MAST4: variants seen among roughly 807,000 people sequenced by gnomAD.
MAST4 encodes microtubule associated serine/threonine kinase family member 4, also known as microtubule-associated serine/threonine-protein kinase 4.
A neutral mutation model predicts 162.7 loss-of-function variants in MAST4; 89 were observed. The observed-to-expected ratio is 0.55, with a 90% CI of 0.46 to 0.65. MAST4 has a LOEUF of 0.65. MAST4 is among the 30% of genes least tolerant of loss of function. The probability of loss-of-function intolerance (pLI) is 0.00; values close to 1 mark genes in which losing one functional copy is unlikely to be tolerated. For synonymous variants in MAST4, 1,479 were observed against 1,361.1 expected (o/e 1.09, Z -1.91); for missense variants, 3,153 against 3,374.0 (o/e 0.93, Z 1.62).
At chr5:66,882,002 T>G (rs1037530526) in intron 3 of MAST4, among the ~76,000 whole-genome samples, 12 of 152,118 alleles carry the variant, frequency 7.9e-5, no homozygotes, top group Non-Finnish European at 1.2e-4. Context: ...CTGGCACAGG[T>G]TTTGCTGGCC....
intron 4 of MAST4, among the ~76,000 whole-genome samples, chr5:67,053,615 G>C (rs1019683466): frequency 6.6e-6 from 1 of 152,170 alleles, no homozygotes; most frequent in Non-Finnish European, 1.5e-5. Context: ...TCACCCATCC[G>C]CCAGTTTTGT....
intron 4 of MAST4, among the ~76,000 whole-genome samples, chr5:66,929,812 G>A (rs1455234028): frequency 2.0e-5 from 3 of 152,158 alleles, no homozygotes; most frequent in Non-Finnish European, 2.9e-5. Flanking sequence ...AAACATGAAG[G>A]TAGACTCTAC....
In MAST4 at chr5:67,163,960, A is replaced by C. The variant is rs1219423772; in HGVS notation, c.4781A>C (p.Gln1594Pro). 1.9e-6 allele frequency: 3 copies of C among 1,611,922 alleles called. No homozygotes were observed. The African/African-American group carries it at 4.0e-5, about 22-fold the overall frequency. The change falls in exon 29 of 29, where the codon CAG (glutamine) becomes CCG (proline). Residue 1594 changes from glutamine to proline, a missense_variant. Gln to Pro is a moderately conservative substitution (Grantham distance 76). This residue lies in a region of MAST4 where 1,644 missense variants were observed against 1,495.0 expected (regional missense o/e 1.10). Coordinates refer to ENST00000403625, the MANE Select transcript of MAST4 (RefSeq NM_001164664.2). The surrounding 1 kb of genome is among the most constrained non-coding windows in gnomAD (Gnocchi z 7.0). ...SSTFENKASM[Q>P]EAPPLGSLLK... is the part of the protein sequence containing the mutation. Reference sequence around the variant, plus strand: ...ACTTTTGAAAACAAAGCGTCTATGCAGGAGGCGCCACCGCTGGGCAGCCTG... The same window carrying C: ...ACTTTTGAAAACAAAGCGTCTATGCCGGAGGCGCCACCGCTGGGCAGCCTG...
At chr5:67,151,493 A>C (rs1561173883) in intron 24 of MAST4, among the ~76,000 whole-genome samples, 1 of 152,206 alleles carries the variant, frequency 6.6e-6, no homozygotes, top group Non-Finnish European at 1.5e-5. Flanking sequence ...TTTTCAACAT[A>C]GGAATTTTAG....
At chr5:66,938,008 T>C (rs1484323665) in intron 4 of MAST4, among the ~76,000 whole-genome samples, 2 of 152,134 alleles carry the variant, frequency 1.3e-5, no homozygotes, top group Non-Finnish European at 2.9e-5. Context: ...TATTTTTCTG[T>C]GGGATCCATT....
intron 4 of MAST4, among the ~76,000 whole-genome samples, chr5:66,984,480 C>T (rs1425219718): frequency 1.3e-5 from 2 of 152,022 alleles, no homozygotes; most frequent in Non-Finnish European, 2.9e-5. Flanking sequence ...TTTTAAGTTC[C>T]GGGATATAAG....
At chr5:66,823,658 T>C (rs1197724569) in intron 3 of MAST4, among the ~76,000 whole-genome samples, 1 of 152,042 alleles carries the variant, frequency 6.6e-6, no homozygotes, top group Non-Finnish European at 1.5e-5. Context: ...TTTTATATGT[T>C]TAGTAGAGAT....
At chr5:66,936,119 C>T (rs1742721440) in intron 4 of MAST4, among the ~76,000 whole-genome samples, 2 of 152,122 alleles carry the variant, frequency 1.3e-5, no homozygotes, top group Non-Finnish European at 2.9e-5. Flanking sequence ...TTTGACAGTT[C>T]CCCTATTTTC....
intron 4 of MAST4, among the ~76,000 whole-genome samples, chr5:66,948,021 G>A (rs888311714): frequency 6.6e-6 from 1 of 152,102 alleles, no homozygotes; most frequent in African/African-American, 2.4e-5. Context: ...ATATAAAGTG[G>A]ACTGTCTCTC....
chr5:66,788,355 G>A (rs1755214205), intron 2 of MAST4, among the ~76,000 whole-genome samples: 3 of 152,136 alleles, frequency 2.0e-5, no homozygotes, highest in South Asian at 2.1e-4. Flanking sequence ...TGCTGAGAAT[G>A]CTTTGTGTAC....
intron 1 of MAST4, among the ~76,000 whole-genome samples, chr5:66,673,638 G>C (rs1171280632): frequency 6.6e-6 from 1 of 150,872 alleles, no homozygotes; most frequent in Non-Finnish European, 1.5e-5. Flanking sequence ...GGGATCACAG[G>C]CACGTGCTGC....
chr5:66,927,126 C>T (rs1159466217), intron 4 of MAST4, among the ~76,000 whole-genome samples: 2 of 152,134 alleles, frequency 1.3e-5, no homozygotes, highest in African/African-American at 4.8e-5. Context: ...CTTTCTTCTC[C>T]AGCTTTTTAG....
chr5:66,714,724 CACTT>C (rs747316956), intron 1 of MAST4, among the ~76,000 whole-genome samples: 1 of 152,176 alleles, frequency 6.6e-6, no homozygotes, highest in Non-Finnish European at 1.5e-5. Flanking sequence ...TAAACAATAC[CACTT>C]TTTGGATAAT....
At chr5:67,012,287 A>C (rs1752781547) in intron 4 of MAST4, among the ~76,000 whole-genome samples, 1 of 152,158 alleles carries the variant, frequency 6.6e-6, no homozygotes, top group Non-Finnish European at 1.5e-5. Flanking sequence ...TAGAAGAGGA[A>C]GCTTGGAATA....
At chr5:66,973,753 A>G (rs939487280) in intron 4 of MAST4, among the ~76,000 whole-genome samples, 4 of 152,158 alleles carry the variant, frequency 2.6e-5, no homozygotes, top group Admixed American at 1.3e-4. Flanking sequence ...GGTGTTCTTC[A>G]GTTGAAGAAT....
intron 3 of MAST4, among the ~76,000 whole-genome samples, chr5:66,803,524 T>C (rs11750177): frequency 0.3 from 44,931 of 151,916 alleles, 7,129 homozygotes; most frequent in Non-Finnish European, 0.35. Context: ...TATTGCTCTG[T>C]TTATTTAGGA....
intron 3 of MAST4, among the ~76,000 whole-genome samples, chr5:66,890,477 G>A (rs768538398): frequency 1.4e-4 from 22 of 152,118 alleles, no homozygotes; most frequent in Non-Finnish European, 2.9e-4. Flanking sequence ...TCATTTGTCC[G>A]TTTACTTGAG....
At chr5:66,638,611 A>G (rs1357629615) in intron 1 of MAST4, among the ~76,000 whole-genome samples, 1 of 152,234 alleles carries the variant, frequency 6.6e-6, no homozygotes, top group Non-Finnish European at 1.5e-5. Flanking sequence ...GGTAATTTAT[A>G]CCATACTTTA....
intron 4 of MAST4, among the ~76,000 whole-genome samples, chr5:67,044,599 C>T (rs992942912): frequency 6.6e-6 from 1 of 152,160 alleles, no homozygotes; most frequent in Admixed American, 6.6e-5. Flanking sequence ...ACTGTAATCT[C>T]AAACTCTTAG....
Sources: allele counts gnomAD v4.1 joint callset (sites outside exome capture counted in the v4.1 genomes callset), GRCh38; gene constraint gnomAD v4.1.1; regional missense constraint gnomAD v4.1.1; non-coding constraint Gnocchi (gnomAD v3.1); transcripts MANE v1.5; gene names NCBI Gene and HGNC (gene_info 2026-07-23, HGNC 2026-07-21).